The following HDAC9 variants were observed in gnomAD, a reference collection of about 807,000 sequenced individuals.
HDAC9 encodes the protein histone deacetylase 9, also known as MEF-2 interacting transcription repressor (MITR) protein.
A neutral mutation model predicts 139.4 loss-of-function variants in HDAC9; 41 were observed. The ratio of observed to expected loss-of-function variants is 0.29; its 90% CI spans 0.23 to 0.38. The LOEUF (loss-of-function observed/expected upper bound fraction) is 0.38, where lower values mean the gene tolerates loss of function less well. Among genes scored for constraint, HDAC9 ranks in the 10% least tolerant of loss-of-function variants. The probability of loss-of-function intolerance (pLI) is 1.00; values close to 1 mark genes in which losing one functional copy is unlikely to be tolerated. For synonymous variants in HDAC9, 517 were observed against 476.2 expected, an observed-to-expected ratio of 1.09 and a Z score of -1.12; for missense variants, 1,147 against 1,297.0, an observed-to-expected ratio of 0.88 and a Z score of 1.78.
chr7:18,095,350 C>G (rs1782439081), intron 1 of HDAC9, among the ~76,000 whole-genome samples: 1 of 149,948 alleles, frequency 6.7e-6, no homozygotes, highest in South Asian at 2.1e-4. Context: ...AAAAAGGCTA[C>G]TGTATTAGGA....
chr7:18,368,916 A>G (rs1306234782), intron 1 of HDAC9, among the ~76,000 whole-genome samples: 1 of 152,108 alleles, frequency 6.6e-6, no homozygotes, highest in Non-Finnish European at 1.5e-5. Context: ...AAATCCTTAT[A>G]AATATCTAGA....
chr7:18,399,448 A>G (rs17139163), intron 1 of HDAC9, among the ~76,000 whole-genome samples: 2,781 of 152,306 alleles, frequency 0.018, 44 homozygotes, highest in East Asian at 0.062. Context: ...TGTTCAGCTA[A>G]ATTTAGATTT....
At chr7:18,156,798 G>T (rs1787240347) in intron 1 of HDAC9, among the ~76,000 whole-genome samples, 1 of 152,226 alleles carries the variant, frequency 6.6e-6, no homozygotes, top group South Asian at 2.1e-4. Flanking sequence ...GGAGTGGTTG[G>T]CTAAGAATTC....
At chr7:18,935,678 A>T in intron 22 of HDAC9, 131 bp from the exon 23 acceptor site, 1 of 758,752 alleles carries the variant, frequency 1.3e-6, no homozygotes, top group Non-Finnish European at 2.2e-6. Flanking sequence ...AAGTTATTTT[A>T]AGTATTGGAT....
rs148478863 is a variant in HDAC9 at position 18,417,044 on chromosome 7, C to T, written c.-41-79218C>T. On this transcript the variant is annotated intron_variant, in intron 1 of 3. Coordinates refer to the HDAC9 transcript ENST00000413509. ...AGATATCCTTCAAATATTTTTCCATCCCTTGCCTTTGGTGACTCCAGTTAC... is the reference window on the plus strand; with the variant it reads ...AGATATCCTTCAAATATTTTTCCATTCCTTGCCTTTGGTGACTCCAGTTAC... 8.4e-3 allele frequency among the ~76,000 whole-genome samples: 1,281 copies of T among 152,200 alleles called. 12 individuals are homozygous for T. Among genetic ancestry groups the T allele is most frequent in the African/African-American group, 0.029 (1,195 of 41,520 alleles).
chr7:18,668,615 T>G, intron 12 of HDAC9: 1 of 983,388 alleles, frequency 1.0e-6, no homozygotes, highest in Non-Finnish European at 1.2e-6. Flanking sequence ...TTTGATAGTC[T>G]TTGAATTTAA....
intron 1 of HDAC9, among the ~76,000 whole-genome samples, chr7:18,382,934 CACAT>C (rs958893789): frequency 1.3e-5 from 2 of 152,068 alleles, no homozygotes; most frequent in Non-Finnish European, 2.9e-5. Flanking sequence ...TATACACACA[CACAT>C]ATTTTCTTTT....
chr7:18,605,846 A>G (rs752662465), intron 6 of HDAC9, among the ~76,000 whole-genome samples: 2 of 151,930 alleles, frequency 1.3e-5, no homozygotes, highest in East Asian at 3.9e-4. Context: ...ATGCCCAGCT[A>G]ATTTTTTGTA....
At chr7:18,228,327 C>T (rs1233228681) in intron 2 of HDAC9, among the ~76,000 whole-genome samples, 2 of 149,900 alleles carry the variant, frequency 1.3e-5, no homozygotes, top group East Asian at 3.9e-4. Flanking sequence ...GATAAACTTA[C>T]TGAAAATGAC....
intron 1 of HDAC9, among the ~76,000 whole-genome samples, chr7:18,405,180 A>C (rs1787896990): frequency 6.6e-6 from 1 of 152,202 alleles, no homozygotes; most frequent in Admixed American, 6.5e-5. Context: ...AAATAACATT[A>C]TTTGAGGACA....
At chr7:18,153,988 A>G (rs1018194080) in intron 1 of HDAC9, among the ~76,000 whole-genome samples, 4 of 152,212 alleles carry the variant, frequency 2.6e-5, no homozygotes, top group Admixed American at 2.6e-4. Flanking sequence ...ACGATCAGTG[A>G]TATCCTTCCC....
chr7:18,101,995 G>A (rs944904698), intron 1 of HDAC9, among the ~76,000 whole-genome samples: 6 of 152,222 alleles, frequency 3.9e-5, no homozygotes, highest in African/African-American at 1.4e-4. Context: ...TATTTATTCA[G>A]GAGGTTCTGT....
intron 1 of HDAC9, among the ~76,000 whole-genome samples, chr7:18,371,007 A>G (rs528086699): frequency 1.3e-5 from 2 of 152,258 alleles, no homozygotes; most frequent in South Asian, 2.1e-4. Context: ...ATTCATCTCA[A>G]TAGTCCAGAA....
At chr7:18,517,514 G>A (rs1268537138) in intron 2 of HDAC9, 1 of 152,128 alleles carries the variant, frequency 6.6e-6, no homozygotes, top group Non-Finnish European at 1.5e-5. Flanking sequence ...CTAGAGTCTA[G>A]TATGGCTGCT....
intron 21 of HDAC9, among the ~76,000 whole-genome samples, chr7:18,839,265 G>A (rs1179658154): frequency 6.6e-6 from 1 of 151,944 alleles, no homozygotes; most frequent in African/African-American, 2.4e-5. Flanking sequence ...ATTCTTAAGT[G>A]CTTTATATAA....
At chr7:18,689,716 G>A (rs1409133890) in intron 12 of HDAC9, among the ~76,000 whole-genome samples, 1 of 151,930 alleles carries the variant, frequency 6.6e-6, no homozygotes, top group African/African-American at 2.4e-5. Flanking sequence ...CGGCCATTAG[G>A]ATCACTAGCA....
rs553351706 is a variant in HDAC9, at chr7:18,495,962, C to T, written c.-103C>T. 33 of 1,254,280 alleles carry T rather than the reference C, an allele frequency of 2.6e-5. No homozygotes were observed. The East Asian group carries it at 8.6e-4, about 33-fold the overall frequency. The allele number at this position is 1,254,280 out of a possible 1,614,324, so 77.7% of individuals were successfully genotyped here. Reference sequence around the variant, plus strand: ...CTATTTCCCACCTGCTTGTAGTTTCCGGGATAACCTAAACTCCAGAGAGCT... The same window carrying T: ...CTATTTCCCACCTGCTTGTAGTTTCTGGGATAACCTAAACTCCAGAGAGCT... On this transcript the variant is annotated 5_prime_UTR_variant, in exon 1 of 26. Transcript: ENST00000686413.
At chr7:18,940,305 A>G (rs1237901663) in intron 23 of HDAC9, among the ~76,000 whole-genome samples, 1 of 152,182 alleles carries the variant, frequency 6.6e-6, no homozygotes, top group African/African-American at 2.4e-5. Flanking sequence ...AACATCTCTT[A>G]ACTATTCTTT....
chr7:18,966,212 C>T (rs1156445293), intron 24 of HDAC9, among the ~76,000 whole-genome samples: 1 of 152,144 alleles, frequency 6.6e-6, no homozygotes. Context: ...CTCTCTTTTC[C>T]TGGTCCTTTT....
Sources: allele counts gnomAD v4.1 joint callset (sites outside exome capture counted in the v4.1 genomes callset), GRCh38; gene constraint gnomAD v4.1.1; transcripts MANE v1.5; gene names NCBI Gene and HGNC (gene_info 2026-07-23, HGNC 2026-07-21).